Variants in ARHGAP42 observed in about 807,000 individuals in gnomAD.
The protein encoded by ARHGAP42 is Rho GTPase activating protein 42.
Under a neutral mutation model 125.0 loss-of-function variants are expected in ARHGAP42, and 63 were observed. The observed-to-expected ratio is 0.50, with a 90% CI of 0.41 to 0.62. The LOEUF is 0.62. ARHGAP42 is among the 20% of genes least tolerant of loss of function. The pLI is 0.00. For missense variants in ARHGAP42, 766 were observed against 1,024.2 expected (o/e 0.75, Z 3.44); for synonymous variants, 339 against 351.0 (o/e 0.97, Z 0.38).
chr11:100,753,113 G>T (rs1363101786), intron 1 of ARHGAP42, among the ~76,000 whole-genome samples: 1 of 152,152 alleles, frequency 6.6e-6, no homozygotes, highest in African/African-American at 2.4e-5. Flanking sequence ...GGTCAGGCAG[G>T]CCCTTGCTCT....
intron 17 of ARHGAP42, among the ~76,000 whole-genome samples, chr11:100,971,803 T>C (rs1175151505): frequency 6.6e-6 from 1 of 152,142 alleles, no homozygotes; most frequent in Non-Finnish European, 1.5e-5. Context: ...CACAACAACC[T>C]AACATGGGTT....
At chr11:100,797,057 G>T (rs552249434) in intron 3 of ARHGAP42, among the ~76,000 whole-genome samples, 5 of 152,214 alleles carry the variant, frequency 3.3e-5, no homozygotes, top group African/African-American at 1.2e-4. Flanking sequence ...GTGAGCCACT[G>T]CATCCAGCCC....
At chr11:100,859,055 A>AGAAT (rs1282763167) in intron 3 of ARHGAP42, among the ~76,000 whole-genome samples, 1 of 152,098 alleles carries the variant, frequency 6.6e-6, no homozygotes, top group Non-Finnish European at 1.5e-5. Context: ...AAACATTATG[A>AGAAT]GAATGTTCAG....
chr11:100,780,230 C>G (rs1386172045), intron 2 of ARHGAP42, among the ~76,000 whole-genome samples: 1 of 152,016 alleles, frequency 6.6e-6, no homozygotes, highest in East Asian at 1.9e-4. Context: ...TGGTAAACCC[C>G]TTTTTTAAAA....
intron 12 of ARHGAP42, 73 bp from the exon 13 acceptor site, chr11:100,959,810 G>T: frequency 7.1e-7 from 1 of 1,412,882 alleles, no homozygotes; most frequent in Non-Finnish European, 9.8e-7. Flanking sequence ...TAAAGGCCCA[G>T]TGAACAGAGC....
At chr11:100,824,668 A>C (rs1474590945) in intron 3 of ARHGAP42, among the ~76,000 whole-genome samples, 1 of 152,206 alleles carries the variant, frequency 6.6e-6, no homozygotes, top group Admixed American at 6.5e-5. Context: ...CTAATCAACT[A>C]TATATCATCA....
At chr11:100,705,568 G>A (rs1861470096) in intron 1 of ARHGAP42, among the ~76,000 whole-genome samples, 1 of 152,096 alleles carries the variant, frequency 6.6e-6, no homozygotes, top group African/African-American at 2.4e-5. Flanking sequence ...GGTATTAAAT[G>A]TTAGTTTTCT....
intron 4 of ARHGAP42, among the ~76,000 whole-genome samples, chr11:100,879,294 G>A (rs951749818): frequency 2.0e-5 from 3 of 152,014 alleles, no homozygotes; most frequent in Non-Finnish European, 4.4e-5. Flanking sequence ...CTATTTGGGG[G>A]GTTATCCTTG....
At chr11:100,974,213 T>A (rs1473219941) in intron 18 of ARHGAP42, among the ~76,000 whole-genome samples, 2 of 152,184 alleles carry the variant, frequency 1.3e-5, no homozygotes, top group Non-Finnish European at 2.9e-5. Flanking sequence ...TCAATATGTC[T>A]TGTTCATATT....
rs1299575523 is a variant in ARHGAP42, at chr11:100,758,453, A to G, written c.155-11890A>G. Among the ~76,000 whole-genome samples, 9 of 152,342 alleles carry G rather than the reference A, an allele frequency of 5.9e-5. No homozygotes were observed. In the East Asian group the frequency reaches 1.7e-3, roughly 29 times the overall value. Reference sequence around the variant, plus strand: ...TGAAAATGCACTTAAGTAAATGATCAATTTACCTTTTGGAATACGGACAGT... The same window carrying G: ...TGAAAATGCACTTAAGTAAATGATCGATTTACCTTTTGGAATACGGACAGT... On this transcript the variant is annotated intron_variant, in intron 1 of 23. Coordinates refer to ENST00000298815, the MANE Select transcript of ARHGAP42 (RefSeq NM_152432.4).
intron 1 of ARHGAP42, among the ~76,000 whole-genome samples, chr11:100,709,405 TGGGTAG>T (rs1861526657): frequency 6.6e-6 from 1 of 152,174 alleles, no homozygotes; most frequent in South Asian, 2.1e-4. Flanking sequence ...AAGTGACAGA[TGGGTAG>T]GTAGGATATA....
At chr11:100,703,323 A>G (rs968224946) in intron 1 of ARHGAP42, among the ~76,000 whole-genome samples, 5 of 152,106 alleles carry the variant, frequency 3.3e-5, no homozygotes, top group Non-Finnish European at 5.9e-5. Flanking sequence ...TTTGCCTTAT[A>G]TTTCTTGCAG....
At chr11:100,913,872 A>G (rs960432829) in intron 5 of ARHGAP42, among the ~76,000 whole-genome samples, 3 of 152,176 alleles carry the variant, frequency 2.0e-5, no homozygotes, top group Non-Finnish European at 4.4e-5. Flanking sequence ...TATCTCTGAC[A>G]TTGATTTTAA....
chr11:100,811,162 G>A lies in ARHGAP42; in HGVS notation c.312+15996G>A, dbSNP rs2135059370. On this transcript the variant is annotated intron_variant, in intron 3 of 23. Transcript: ENST00000298815. ...GTAGAGATGGGGTTTGACCATGTTG[G>A]CCAGGCTGGTCTCAAAGTCCTGACC... is the stretch of plus-strand genomic sequence containing the variant. Among the ~76,000 whole-genome samples, 2 of 152,254 alleles carry A rather than the reference G, an allele frequency of 1.3e-5. 1 individual carries two copies. The highest frequency in any genetic ancestry group is 4.2e-4 in the South Asian group (2 of 4,818).
chr11:100,884,289 G>A (rs1003874048), intron 4 of ARHGAP42, among the ~76,000 whole-genome samples: 1 of 152,194 alleles, frequency 6.6e-6, no homozygotes, highest in Non-Finnish European at 1.5e-5. Context: ...TATTTTAAAA[G>A]CAATAAAGTA....
At chr11:100,954,346 G>A (rs1179063567) in intron 12 of ARHGAP42, among the ~76,000 whole-genome samples, 2 of 152,064 alleles carry the variant, frequency 1.3e-5, no homozygotes, top group Admixed American at 6.6e-5. Context: ...TTGACTTTCC[G>A]CTAATAAAAG....
Position 100,722,962 on chromosome 11 carries a change from G to A in ARHGAP42, c.154+35130G>A, listed in dbSNP as rs913684938. Among the ~76,000 whole-genome samples the A allele has an allele frequency of 4.6e-5, 7 of 152,208 alleles. No individual in the cohort carries two copies. The East Asian group carries it at 5.8e-4, about 13-fold the overall frequency. On this transcript the variant is annotated intron_variant, in intron 1 of 23. Transcript: ENST00000298815. ...TACATTTAGATCGGTGATCCATTTC[G>A]AGTTCACTTTTGTAAAGGGTGTGAA... is the stretch of plus-strand genomic sequence containing the variant.
intron 2 of ARHGAP42, among the ~76,000 whole-genome samples, chr11:100,789,801 G>A (rs937320445): frequency 6.6e-6 from 1 of 152,142 alleles, no homozygotes; most frequent in Admixed American, 6.5e-5. Flanking sequence ...ATAGCATGCT[G>A]TTGACATTAT....
At chr11:100,749,665 G>T (rs1444633101) in intron 1 of ARHGAP42, among the ~76,000 whole-genome samples, 5 of 152,142 alleles carry the variant, frequency 3.3e-5, no homozygotes, top group Non-Finnish European at 7.3e-5. Flanking sequence ...TCCGATAGGC[G>T]TACCGATATA....
Sources: allele counts gnomAD v4.1 joint callset (sites outside exome capture counted in the v4.1 genomes callset), GRCh38; gene constraint gnomAD v4.1.1; transcripts MANE v1.5; gene names NCBI Gene and HGNC (gene_info 2026-07-23, HGNC 2026-07-21).